COL25A1: variants seen among roughly 807,000 people sequenced by gnomAD.
COL25A1 encodes the protein collagen type XXV alpha 1 chain, also known as collagen alpha-1(XXV) chain.
In COL25A1, 103 loss-of-function variants were observed where a neutral mutation model predicts 128.4. The ratio of observed to expected loss-of-function variants is 0.80; its 90% CI spans 0.68 to 0.94. The LOEUF (loss-of-function observed/expected upper bound fraction) is 0.94, where lower values mean the gene tolerates loss of function less well. Ranked by LOEUF, COL25A1 falls within the 40% of genes least tolerant of loss-of-function variation. The pLI is 0.00. For synonymous variants in COL25A1, 279 were observed against 277.2 expected, an observed-to-expected ratio of 1.01 and a Z score of -0.06; for missense variants, 745 against 840.0, an observed-to-expected ratio of 0.89 and a Z score of 1.40.
intron 3 of COL25A1, among the ~76,000 whole-genome samples, chr4:109,270,004 T>C: frequency 6.6e-6 from 1 of 152,080 alleles, no homozygotes. Flanking sequence ...AAAAGGCCTT[T>C]GACAAAATTC....
chr4:109,137,746 C>T (rs572589053), intron 3 of COL25A1, among the ~76,000 whole-genome samples: 13 of 152,208 alleles, frequency 8.5e-5, no homozygotes, highest in African/African-American at 3.1e-4. Flanking sequence ...TGACTGGGTA[C>T]AGGAACCCAA....
At position 109,157,900 on chromosome 4, in the gene COL25A1, C is replaced by T. The variant is rs141279429; in HGVS notation, c.368-107721G>A. Among the ~76,000 whole-genome samples the T allele has an allele frequency of 1.2e-3, 186 of 152,300 alleles. 2 individuals carry two copies. The highest frequency in any genetic ancestry group is 2.1e-4 in the South Asian group (1 of 4,822). ...GCATGGGGCACTGTGCCATTCCCGG[C>T]GCTAAAGCACATGCAGGATCAAAGG... On this transcript the variant is annotated intron_variant, in intron 3 of 37. Transcript: ENST00000399132.
chr4:108,834,465 G>A (rs1449611068), intron 31 of COL25A1: 20 of 1,309,494 alleles, frequency 1.5e-5, no homozygotes, highest in East Asian at 7.5e-5. Context: ...ATGAGGTACC[G>A]ATGAACAAAT....
At chr4:109,009,808 A>T (rs1166805059) in intron 6 of COL25A1, among the ~76,000 whole-genome samples, 2 of 152,154 alleles carry the variant, frequency 1.3e-5, no homozygotes. Flanking sequence ...TTCATGCCAC[A>T]TTCCTCCCCT....
chr4:109,277,093 C>T (rs1184877574), intron 3 of COL25A1, among the ~76,000 whole-genome samples: 1 of 152,196 alleles, frequency 6.6e-6, no homozygotes, highest in African/African-American at 2.4e-5. Flanking sequence ...ATACTGCATG[C>T]ATGATTCAAA....
At chr4:109,017,990 A>C (rs1248614230) in intron 5 of COL25A1, among the ~76,000 whole-genome samples, 1 of 152,106 alleles carries the variant, frequency 6.6e-6, no homozygotes, top group African/African-American at 2.4e-5. Flanking sequence ...TGATTACTAT[A>C]ATTTCATTAT....
Position 108,809,262 on chromosome 4 carries a change from G to A in COL25A1, c.*4665C>T, listed in dbSNP as rs1042020404. ...TATAAAAATAGCTGCACATAGAGAT[G>A]AACTTTAAAATGTAAAAAATACAAA... On this transcript the variant is annotated 3_prime_UTR_variant, in exon 38 of 38. Coordinates refer to ENST00000399132, the MANE Select transcript of COL25A1 (RefSeq NM_198721.4). 6.6e-6 allele frequency: 1 copy of A among 151,702 alleles called. No homozygotes were observed. The highest frequency in any genetic ancestry group is 1.5e-5 in the Non-Finnish European group (1 of 67,892). 9.4% of individuals were successfully genotyped at this position (151,702 alleles called of 1,614,324 possible).
intron 28 of COL25A1, 73 bp downstream of exon 28, chr4:108,846,066 T>G: frequency 1.0e-6 from 1 of 1,001,052 alleles, no homozygotes; most frequent in Non-Finnish European, 1.6e-6. Flanking sequence ...ATATAACTCT[T>G]TTCTGATTGT....
chr4:109,275,796 G>T (rs1260011198), intron 3 of COL25A1, among the ~76,000 whole-genome samples: 1 of 152,060 alleles, frequency 6.6e-6, no homozygotes, highest in East Asian at 1.9e-4. Context: ...GCAATCACTT[G>T]GTAAGGTTGT....
intron 6 of COL25A1, among the ~76,000 whole-genome samples, chr4:108,990,225 AAAAAAAAAAAAAAAATATATATATATAT>A (rs1754042621): frequency 4.3e-5 from 3 of 69,000 alleles, no homozygotes; most frequent in South Asian, 1.2e-3. Flanking sequence ...AAAAAAAAAA[AAAAAAAAAAAAAAAATATATATATATAT>A]ATATATATAT....
At chr4:109,179,529 T>C (rs1774430759) in intron 3 of COL25A1, among the ~76,000 whole-genome samples, 1 of 152,240 alleles carries the variant, frequency 6.6e-6, no homozygotes, top group Non-Finnish European at 1.5e-5. Context: ...AGAAAGGTAA[T>C]TCCCATGTGA....
chr4:108,963,496 G>A (rs1185271297), intron 8 of COL25A1, among the ~76,000 whole-genome samples: 3 of 151,864 alleles, frequency 2.0e-5, no homozygotes, highest in African/African-American at 7.3e-5. Flanking sequence ...ATATAATATT[G>A]AAAGTCATCA....
chr4:109,143,087 C>T (rs183785721), intron 3 of COL25A1, among the ~76,000 whole-genome samples: 2 of 152,116 alleles, frequency 1.3e-5, no homozygotes, highest in African/African-American at 4.8e-5. Context: ...TTCAGGAACT[C>T]TTGTAAGGCA....
intron 13 of COL25A1, among the ~76,000 whole-genome samples, chr4:108,903,911 T>C (rs538688219): frequency 6.6e-6 from 1 of 152,230 alleles, no homozygotes; most frequent in African/African-American, 2.4e-5. Context: ...AAATATTTTC[T>C]GATGGGTTCA....
At chr4:109,045,117 T>G (rs763420673) in intron 5 of COL25A1, among the ~76,000 whole-genome samples, 1 of 152,206 alleles carries the variant, frequency 6.6e-6, no homozygotes, top group Non-Finnish European at 1.5e-5. Context: ...TTCTCTTCAC[T>G]GTGATTTTCT....
intron 3 of COL25A1, among the ~76,000 whole-genome samples, chr4:109,176,662 T>C (rs1774137680): frequency 6.6e-6 from 1 of 152,104 alleles, no homozygotes; most frequent in Non-Finnish European, 1.5e-5. Context: ...GAACATGACC[T>C]GATTTGAAAA....
chr4:109,084,318 G>A (rs554969694), intron 3 of COL25A1, among the ~76,000 whole-genome samples: 2 of 152,102 alleles, frequency 1.3e-5, no homozygotes, highest in Non-Finnish European at 2.9e-5. Context: ...ATAAATTATA[G>A]GTATGCCTTG....
At chr4:109,026,542 G>C (rs1440893797) in intron 5 of COL25A1, among the ~76,000 whole-genome samples, 3 of 152,216 alleles carry the variant, frequency 2.0e-5, no homozygotes, top group Non-Finnish European at 4.4e-5. Context: ...TCAGAGGCTG[G>C]TTATAGACTT....
At chr4:108,918,999 T>C (rs1377975335) in intron 12 of COL25A1, among the ~76,000 whole-genome samples, 1 of 152,236 alleles carries the variant, frequency 6.6e-6, no homozygotes, top group Non-Finnish European at 1.5e-5. Flanking sequence ...AACAGTGATG[T>C]CATTTCCCTC....
Sources: allele counts gnomAD v4.1 joint callset (sites outside exome capture counted in the v4.1 genomes callset), GRCh38; gene constraint gnomAD v4.1.1; transcripts MANE v1.5; gene names NCBI Gene and HGNC (gene_info 2026-07-23, HGNC 2026-07-21).